Variants in ATP10D observed in about 807,000 individuals in gnomAD.
The protein encoded by ATP10D is ATPase phospholipid transporting 10D (putative), also known as phospholipid-transporting ATPase VD.
Under a neutral mutation model 144.8 loss-of-function variants are expected in ATP10D, and 89 were observed. The ratio of observed to expected loss-of-function variants is 0.61; its 90% CI spans 0.52 to 0.73. The LOEUF is 0.73. Ranked by LOEUF, ATP10D falls within the 30% of genes least tolerant of loss-of-function variation. The pLI, the probability that ATP10D is intolerant of heterozygous loss-of-function variation, is 0.00. For missense variants in ATP10D, 1,603 were observed against 1,714.8 expected (o/e 0.93, Z 1.15); for synonymous variants, 571 against 615.1 (o/e 0.93, Z 1.06).
At chr4:47,535,461 C>A (rs1447270365) in intron 5 of ATP10D, 48 bp from the exon 6 acceptor site, 1 of 1,389,660 alleles carries the variant, frequency 7.2e-7, no homozygotes, top group Admixed American at 2.2e-5. Flanking sequence ...TTTTTATATC[C>A]CCACTTTTGC....
chr4:47,569,208 C>T, intron 16 of ATP10D, 62 bp downstream of exon 16: 1 of 1,529,148 alleles, frequency 6.5e-7, no homozygotes, highest in Non-Finnish European at 8.9e-7. Context: ...GACACCGATC[C>T]TTCTGTCTCT....
chr4:47,491,648 A>G (rs1271928543), intron 1 of ATP10D, among the ~76,000 whole-genome samples: 1 of 152,108 alleles, frequency 6.6e-6, no homozygotes, highest in Admixed American at 6.5e-5. Context: ...TCACTTCTTA[A>G]TTTGTACTTG....
At chr4:47,500,607 C>G (rs975021311) in intron 1 of ATP10D, among the ~76,000 whole-genome samples, 8 of 152,192 alleles carry the variant, frequency 5.3e-5, no homozygotes, top group African/African-American at 1.7e-4. Flanking sequence ...AAGAAGGGAG[C>G]TGCCATTAGC....
At chr4:47,542,591 C>T (rs1418469756) in intron 9 of ATP10D, among the ~76,000 whole-genome samples, 2 of 152,146 alleles carry the variant, frequency 1.3e-5, no homozygotes, top group Non-Finnish European at 2.9e-5. Flanking sequence ...AGCTCTCCTG[C>T]CTCAGCCTCC....
intron 14 of ATP10D, among the ~76,000 whole-genome samples, chr4:47,561,955 C>G (rs1456546847): frequency 6.6e-6 from 1 of 152,160 alleles, no homozygotes; most frequent in Non-Finnish European, 1.5e-5. Flanking sequence ...AACTTAGTAT[C>G]TAGCAAATAG....
At chr4:47,555,481 C>T (rs1718938457) in intron 11 of ATP10D, among the ~76,000 whole-genome samples, 1 of 152,190 alleles carries the variant, frequency 6.6e-6, no homozygotes, top group Non-Finnish European at 1.5e-5. Flanking sequence ...TATTACCCTA[C>T]TATTCTCCAT....
intron 5 of ATP10D, among the ~76,000 whole-genome samples, chr4:47,533,882 A>G (rs758964939): frequency 2.2e-4 from 34 of 152,260 alleles, no homozygotes; most frequent in Middle Eastern, 3.4e-3. Flanking sequence ...ATACTTTACT[A>G]TATACTTATA....
Position 47,525,537 on chromosome 4 carries a change from G to T in ATP10D, c.691-20G>T, listed in dbSNP as rs1577645929. ...GTTTAACCTTGAATTCTTATTTTGT[G>T]ATTCAAAAAATATTTTTAGGACTCT... is the stretch of plus-strand genomic sequence containing the variant. On this transcript the variant is annotated intron_variant, in intron 4 of 22. Transcript: ENST00000273859. 5 of 1,558,420 alleles carry T rather than the reference G, an allele frequency of 3.2e-6. No homozygotes were observed. Among genetic ancestry groups the T allele is most frequent in the Non-Finnish European group, 4.4e-6 (5 of 1,130,378 alleles).
chr4:47,579,479 A>C (rs1341977949), intron 19 of ATP10D, among the ~76,000 whole-genome samples: 9 of 152,214 alleles, frequency 5.9e-5, no homozygotes, highest in Admixed American at 2.6e-4. Flanking sequence ...CTGAGTGGGC[A>C]CAGCTTTTAG....
chr4:47,488,745 T>C (rs1169768679), intron 1 of ATP10D, among the ~76,000 whole-genome samples: 1 of 152,140 alleles, frequency 6.6e-6, no homozygotes, highest in Admixed American at 6.5e-5. Flanking sequence ...TGAATTCGTA[T>C]GTTGATTCCC....
intron 14 of ATP10D, 85 bp from the exon 15 acceptor site, chr4:47,563,496 A>C: frequency 7.8e-7 from 1 of 1,279,848 alleles, no homozygotes; most frequent in Non-Finnish European, 1.1e-6. Context: ...GAGTTGGCTA[A>C]CAGATATGAT....
At chr4:47,585,859 C>T (rs546407185) in intron 21 of ATP10D, among the ~76,000 whole-genome samples, 1 of 152,256 alleles carries the variant, frequency 6.6e-6, no homozygotes. Context: ...AGTACTCCAT[C>T]GTGTAGATAT....
intron 5 of ATP10D, among the ~76,000 whole-genome samples, 178 bp from the exon 6 acceptor site, chr4:47,535,328 AAAG>A (rs1019213840): frequency 1.3e-5 from 2 of 151,744 alleles, no homozygotes; most frequent in Non-Finnish European, 2.9e-5. Context: ...AAAAAAAAAA[AAAG>A]AAACAAAAAA....
At chr4:47,491,226 A>C in intron 1 of ATP10D, 2 of 768,092 alleles carry the variant, frequency 2.6e-6, no homozygotes, top group Non-Finnish European at 4.7e-6. Flanking sequence ...TCTTGCCCTT[A>C]ACTTGTTTAC....
rs543722587 is a variant in ATP10D at position 47,525,318 on chromosome 4, T to C, written c.691-239T>C. Among the ~76,000 whole-genome samples the C allele has an allele frequency of 2.0e-5, 3 of 152,146 alleles. No individual in the cohort carries two copies. In the South Asian group the frequency reaches 6.2e-4, roughly 32 times the overall value. ...CTGGGGAGTCCTGTGTGGATTTCGG[T>C]AAATGACTCAGTCATTCCCATCACC... On this transcript the variant is annotated intron_variant, in intron 4 of 22. Coordinates refer to ENST00000273859, the MANE Select transcript of ATP10D (RefSeq NM_020453.4).
intron 5 of ATP10D, among the ~76,000 whole-genome samples, chr4:47,529,462 C>T (rs987967084): frequency 6.6e-6 from 1 of 152,020 alleles, no homozygotes; most frequent in Non-Finnish European, 1.5e-5. Flanking sequence ...CATGTGGCTT[C>T]AATTCTGGGT....
At position 47,536,676 on chromosome 4, in the gene ATP10D, ATCT is replaced by A. The variant is rs771172920; in HGVS notation, c.1144-5_1144-3del. On this transcript the variant is annotated splice_region_variant and splice_polypyrimidine_tract_variant and intron_variant, in intron 8 of 22. Coordinates refer to ENST00000273859, the MANE Select transcript of ATP10D (RefSeq NM_020453.4). Reference sequence around the variant, plus strand: ...CGTTAACATTTTAAAACTTGTTTGGATCTTCTTAGGTCTTGATTCCTATTTCTC... The same window carrying A: ...CGTTAACATTTTAAAACTTGTTTGGATCTTAGGTCTTGATTCCTATTTCTC... The A allele has an allele frequency of 1.3e-6, 2 of 1,599,938 alleles. No individual in the cohort carries two copies. The highest frequency in any genetic ancestry group is 2.2e-5 in the East Asian group (1 of 44,750).
chr4:47,569,178 C>T, intron 16 of ATP10D, 32 bp downstream of exon 16: 1 of 1,593,246 alleles, frequency 6.3e-7, no homozygotes. Context: ...TCCTGCTCTT[C>T]TCCCTTTCAC....
chr4:47,568,834 A>G lies in ATP10D; in HGVS notation c.2854-3A>G, dbSNP rs1719779564. On this transcript the variant is annotated splice_region_variant and splice_polypyrimidine_tract_variant and intron_variant, in intron 15 of 22. Coordinates refer to ENST00000273859, the MANE Select transcript of ATP10D (RefSeq NM_020453.4). ...GCTAACCACCTTTGCCTCTTGTTTC[A>G]AGGATGCCTGTGGGATGCTGATGAG... 1 of 1,609,088 alleles carries G rather than the reference A, an allele frequency of 6.2e-7. No homozygotes were observed. Among genetic ancestry groups the G allele is most frequent in the Non-Finnish European group, 8.5e-7 (1 of 1,176,424 alleles).
Sources: allele counts gnomAD v4.1 joint callset (sites outside exome capture counted in the v4.1 genomes callset), GRCh38; gene constraint gnomAD v4.1.1; transcripts MANE v1.5; gene names NCBI Gene and HGNC (gene_info 2026-07-23, HGNC 2026-07-21).